Variants in LRIG3 observed in about 807,000 individuals in gnomAD.
LRIG3 encodes the protein leucine rich repeats and immunoglobulin like domains 3, also known as leucine-rich repeats and immunoglobulin-like domains protein 3.
Under a neutral mutation model 114.5 loss-of-function variants are expected in LRIG3, and 76 were observed. The ratio of observed to expected loss-of-function variants is 0.66; its 90% CI spans 0.55 to 0.80. The LOEUF is 0.80. Among genes scored for constraint, LRIG3 ranks in the 30% least tolerant of loss-of-function variants. The pLI is 0.00. For synonymous variants in LRIG3, 512 were observed against 519.8 expected (o/e 0.98, Z 0.20); for missense variants, 1,239 against 1,382.8 (o/e 0.90, Z 1.65).
chr12:58,909,501 C>T (rs904506645), intron 3 of LRIG3, among the ~76,000 whole-genome samples: 1 of 152,104 alleles, frequency 6.6e-6, no homozygotes, highest in African/African-American at 2.4e-5. Context: ...AGTTTGTATG[C>T]TTTTTCACTG....
intron 15 of LRIG3, among the ~76,000 whole-genome samples, chr12:58,876,964 A>G (rs749750950): frequency 4.6e-5 from 7 of 152,190 alleles, no homozygotes; most frequent in Non-Finnish European, 7.3e-5. Flanking sequence ...AATATTACTA[A>G]TCAATATCTG....
At chr12:58,887,760 G>C (rs961273416) in intron 8 of LRIG3, 29 bp downstream of exon 8, 3 of 1,607,616 alleles carry the variant, frequency 1.9e-6, no homozygotes, top group South Asian at 1.1e-5. Context: ...AATTACGTTC[G>C]AGTACTGACA....
intron 3 of LRIG3, among the ~76,000 whole-genome samples, chr12:58,904,657 A>T (rs1236353888): frequency 6.6e-6 from 1 of 152,198 alleles, no homozygotes; most frequent in East Asian, 1.9e-4. Flanking sequence ...TTACCTTGGA[A>T]AAAACAAGTC....
At chr12:58,888,556 A>T in intron 6 of LRIG3, 84 bp from the exon 7 acceptor site, 1 of 1,520,588 alleles carries the variant, frequency 6.6e-7, no homozygotes, top group African/African-American at 1.4e-5. Flanking sequence ...ACAACCTATT[A>T]CAGATTCCTA....
rs1185162932 is a variant in LRIG3 at position 58,886,843 on chromosome 12, C to T, written c.1139G>A (p.Gly380Asp). ...CAGTTTGTCAAGCCCAGAGAAAGCA[C>T]CATTCATGTCTTCAATAGTCCAGGA... ...EISWTIEDMN[G>D]AFSGLDKLRR... is the part of the protein sequence containing the mutation. The change falls in exon 9 of 19, where the codon GGT (glycine) becomes GAT (aspartate). Residue 380 changes from glycine (G) to aspartate (D), a missense_variant. By Grantham distance (94) the Gly-to-Asp change is moderately conservative (BLOSUM62 -1). Transcript: ENST00000320743. 1 of 1,613,532 alleles carries T rather than the reference C, an allele frequency of 6.2e-7. No individual in the cohort carries two copies.
At chr12:58,890,826 G>C (rs570746071) in intron 3 of LRIG3, 30 bp from the exon 4 acceptor site, 4 of 1,579,994 alleles carry the variant, frequency 2.5e-6, no homozygotes, top group African/African-American at 1.4e-5. Flanking sequence ...CAGTTAACAA[G>C]GTTAACGGTA....
At position 58,890,769 on chromosome 12, in the gene LRIG3, G is replaced by T. The variant is rs11172799; in HGVS notation, c.411C>A (p.Leu137=). 0.016 allele frequency: 26,110 copies of T among 1,606,950 alleles called. 2,616 individuals are homozygous for T. In the African/African-American group the frequency reaches 0.25, roughly 16 times the overall value. ...ACTGAAACTCTTTCAGATGTTCAGG[G>T]AGTATTTCAACAATCCTGTTTCCAG... ...SLAGNRIVEI[L]PEHLKEFQSL... is the part of the protein sequence containing the mutation. Residue 137 remains leucine, a synonymous_variant, in exon 4 of 19, where the codon CTC becomes CTA. Transcript: ENST00000320743.
At position 58,877,831 on chromosome 12, in the gene LRIG3, G is replaced by C. The variant is rs1870981686; in HGVS notation, c.2105C>G (p.Pro702Arg). 1 of 1,597,946 alleles carries C rather than the reference G, an allele frequency of 6.3e-7. No individual in the cohort carries two copies. Among genetic ancestry groups the C allele is most frequent in the Non-Finnish European group, 8.6e-7 (1 of 1,168,188 alleles). ...TVLETPSFLR[P>R]LLDRTVTKGE... ...CTTGGTTACAGTTCGGTCCAACAGT[G>C]GCCGCAAAAATGATGGTGTTTCTGA... Residue 702 changes from proline (P) to arginine (R), a missense_variant, in exon 15 of 19, where the codon CCA becomes CGA. Coordinates refer to ENST00000320743, the MANE Select transcript of LRIG3 (RefSeq NM_153377.5).
In LRIG3 at chr12:58,887,712, G is replaced by C; in HGVS notation, c.1091+77C>G. The C allele has an allele frequency of 2.0e-6, 3 of 1,505,276 alleles. No individual in the cohort carries two copies. In the South Asian group the frequency reaches 3.5e-5, roughly 18 times the overall value. 93.2% of individuals were successfully genotyped at this position (1,505,276 alleles called of 1,614,324 possible). A position where few individuals can be genotyped will look rare whatever the true frequency, so the allele number is the denominator to read the frequency against. On this transcript the variant is annotated intron_variant, in intron 8 of 18. Coordinates refer to ENST00000320743, the MANE Select transcript of LRIG3 (RefSeq NM_153377.5). Reference sequence around the variant, plus strand: ...TGTATGCATTTCCTTGACAACAAAGGAAATCTGCTAGGAGAAAAGTGGGCA... The same window carrying C: ...TGTATGCATTTCCTTGACAACAAAGCAAATCTGCTAGGAGAAAAGTGGGCA...
intron 3 of LRIG3, among the ~76,000 whole-genome samples, chr12:58,898,413 G>A (rs1871720898): frequency 6.6e-6 from 1 of 152,196 alleles, no homozygotes; most frequent in African/African-American, 2.4e-5. Flanking sequence ...ACTGCATCAT[G>A]TAAATACTGT....
chr12:58,890,769 G>A lies in LRIG3; in HGVS notation c.411C>T (p.Leu137=). The A allele has an allele frequency of 1.2e-6, 2 of 1,607,070 alleles. No homozygotes were observed. Among genetic ancestry groups the A allele is most frequent in the Admixed American group, 3.4e-5 (2 of 59,100 alleles). Reference sequence around the variant, plus strand: ...ACTGAAACTCTTTCAGATGTTCAGGGAGTATTTCAACAATCCTGTTTCCAG... The same window carrying A: ...ACTGAAACTCTTTCAGATGTTCAGGAAGTATTTCAACAATCCTGTTTCCAG... ...SLAGNRIVEI[L]PEHLKEFQSL... The change falls in exon 4 of 19, where the codon CTC becomes CTT. Residue 137 remains leucine, a synonymous_variant. Coordinates refer to ENST00000320743, the MANE Select transcript of LRIG3 (RefSeq NM_153377.5).
At position 58,890,164 on chromosome 12, in the gene LRIG3, TCTC is replaced by T. The variant is rs756635072; in HGVS notation, c.516-28_516-26del. ...CCTGTTGAAAGTTTAAAGATGAGCT[TCTC>T]CTTCTGATTTATTTGCAAGTTAAAG... On this transcript the variant is annotated intron_variant, in intron 4 of 18. Transcript: ENST00000320743. 9.9e-6 allele frequency: 16 copies of T among 1,608,830 alleles called. 1 individual carries two copies. In the South Asian group the frequency reaches 1.5e-4, roughly 16 times the overall value.
intron 18 of LRIG3, 102 bp downstream of exon 18, chr12:58,873,953 C>A: frequency 7.2e-7 from 1 of 1,387,472 alleles, no homozygotes. Flanking sequence ...ATTCAAGAAA[C>A]CATTTTTTAC....
intron 8 of LRIG3, 51 bp from the exon 9 acceptor site, chr12:58,886,941 G>GT: frequency 1.4e-6 from 2 of 1,410,926 alleles, no homozygotes; most frequent in Non-Finnish European, 2.0e-6. Flanking sequence ...AGAAAGCCTA[G>GT]TATCACCACC....
chr12:58,883,492 G>A, intron 11 of LRIG3, 28 bp downstream of exon 11: 2 of 1,487,578 alleles, frequency 1.3e-6, no homozygotes, highest in Non-Finnish European at 1.8e-6. Context: ...TATACTTTCA[G>A]ACTCCTAGAA....
At chr12:58,885,971 G>C in intron 9 of LRIG3, 69 bp from the exon 10 acceptor site, 1 of 935,044 alleles carries the variant, frequency 1.1e-6, no homozygotes, top group South Asian at 1.5e-5. Flanking sequence ...CTCATAAACA[G>C]AACTGCTTTT....
At chr12:58,875,042 T>C (rs1426573376) in intron 16 of LRIG3, among the ~76,000 whole-genome samples, 2 of 152,244 alleles carry the variant, frequency 1.3e-5, no homozygotes, top group Non-Finnish European at 2.9e-5. Context: ...GAGTAAATGA[T>C]ATCATCAGGG....
intron 3 of LRIG3, among the ~76,000 whole-genome samples, chr12:58,910,364 T>C (rs11837539): frequency 0.12 from 18,701 of 152,152 alleles, 2,256 homozygotes; most frequent in African/African-American, 0.31. Flanking sequence ...AATCCCAGCA[T>C]TCTGGGAGGC....
chr12:58,883,067 T>G (rs1279909222), intron 11 of LRIG3, 35 bp from the exon 12 acceptor site: 1 of 1,558,126 alleles, frequency 6.4e-7, no homozygotes, highest in Non-Finnish European at 8.7e-7. Context: ...TTGTTCTGTA[T>G]GAAATGCAGA....
Sources: allele counts gnomAD v4.1 joint callset (sites outside exome capture counted in the v4.1 genomes callset), GRCh38; gene constraint gnomAD v4.1.1; transcripts MANE v1.5; gene names NCBI Gene and HGNC (gene_info 2026-07-23, HGNC 2026-07-21).